Variants in LIPI observed in about 807,000 individuals in gnomAD.
LIPI encodes the protein lipase I.
A neutral mutation model predicts 50.6 loss-of-function variants in LIPI; 59 were observed. That is an observed-to-expected ratio of 1.16 (90% CI 0.94 to 1.45). LIPI has a LOEUF of 1.45. LIPI is among the 40% of genes most tolerant of loss of function. The pLI is 0.00. For missense variants in LIPI, 586 were observed against 536.3 expected, an observed-to-expected ratio of 1.09 and a Z score of -0.92; for synonymous variants, 203 against 178.2, an observed-to-expected ratio of 1.14 and a Z score of -1.11.
chr21:14,185,458 A>C (rs1322643669), intron 3 of LIPI, among the ~76,000 whole-genome samples: 10 of 152,212 alleles, frequency 6.6e-5, no homozygotes, highest in Admixed American at 5.2e-4. Flanking sequence ...TGGGTAACTT[A>C]AGCTCTGTTG....
intron 1 of LIPI, among the ~76,000 whole-genome samples, chr21:14,197,502 C>G (rs992093425): frequency 6.6e-6 from 1 of 151,776 alleles, no homozygotes; most frequent in African/African-American, 2.4e-5. Flanking sequence ...CAGAATAGAC[C>G]AAGCAGAGGA....
intron 8 of LIPI, among the ~76,000 whole-genome samples, chr21:14,152,112 T>C (rs2018115342): frequency 6.8e-6 from 1 of 147,618 alleles, no homozygotes; most frequent in Non-Finnish European, 1.5e-5. Context: ...TATTTATTTA[T>C]TTATTTGAAA....
At chr21:14,182,500 G>T (rs539118853) in intron 3 of LIPI, among the ~76,000 whole-genome samples, 6 of 152,202 alleles carry the variant, frequency 3.9e-5, no homozygotes, top group Admixed American at 3.3e-4. Context: ...TCAGTTTTTT[G>T]AGAACATCTA....
chr21:14,115,144 A>G (rs911396134), intron 9 of LIPI, among the ~76,000 whole-genome samples: 2 of 152,100 alleles, frequency 1.3e-5, no homozygotes, highest in Admixed American at 6.5e-5. Flanking sequence ...AGAGAAGAAT[A>G]CTAACTACCT....
chr21:14,159,316 T>C (rs2018382644), intron 7 of LIPI, among the ~76,000 whole-genome samples: 1 of 151,480 alleles, frequency 6.6e-6, no homozygotes, highest in East Asian at 1.9e-4. Flanking sequence ...CCAAGTAGAA[T>C]TTATTACTGG....
intron 1 of LIPI, 54 bp from the exon 2 acceptor site, chr21:14,189,473 G>A: frequency 1.3e-6 from 2 of 1,496,482 alleles, no homozygotes; most frequent in Admixed American, 1.7e-5. Flanking sequence ...TTTTATTCCT[G>A]TTGCTATTGC....
chr21:14,119,977 A>C (rs1304135162), intron 9 of LIPI, among the ~76,000 whole-genome samples: 2 of 152,172 alleles, frequency 1.3e-5, no homozygotes, highest in Non-Finnish European at 2.9e-5. Flanking sequence ...TAAGATGCTA[A>C]GATATCAAGG....
chr21:14,166,669 C>A (rs1035904731), intron 4 of LIPI, among the ~76,000 whole-genome samples: 1 of 152,176 alleles, frequency 6.6e-6, no homozygotes, highest in Non-Finnish European at 1.5e-5. Context: ...AGTTTACTAT[C>A]GGTCAGTCAC....
intron 8 of LIPI, among the ~76,000 whole-genome samples, chr21:14,149,620 C>A (rs561379745): frequency 2.0e-5 from 3 of 152,256 alleles, no homozygotes; most frequent in East Asian, 3.9e-4. Flanking sequence ...TAGTTACTTC[C>A]TAGATACAAT....
chr21:14,130,106 T>A (rs950511710), intron 9 of LIPI, among the ~76,000 whole-genome samples: 2 of 152,170 alleles, frequency 1.3e-5, no homozygotes, highest in Non-Finnish European at 2.9e-5. Flanking sequence ...AAATTGCTAC[T>A]TTTAGACACT....
intron 1 of LIPI, among the ~76,000 whole-genome samples, chr21:14,202,873 A>T (rs74414163): frequency 0.33 from 49,714 of 151,784 alleles, 8,204 homozygotes; most frequent in Middle Eastern, 0.37. Flanking sequence ...CAGCAAAAAA[A>T]ACTACCATCA....
At chr21:14,171,861 G>C (rs146144197) in intron 4 of LIPI, among the ~76,000 whole-genome samples, 34,853 of 143,592 alleles carry the variant, frequency 0.24, 4,401 homozygotes, top group Middle Eastern at 0.32. Flanking sequence ...CCAAAATTGA[G>C]AAATGGGATC....
intron 9 of LIPI, among the ~76,000 whole-genome samples, chr21:14,128,615 T>C (rs1600840213): frequency 6.9e-6 from 1 of 144,130 alleles, no homozygotes; most frequent in Non-Finnish European, 1.5e-5. Flanking sequence ...ATCAAGGATA[T>C]ATCCTTAAAG....
chr21:14,133,017 C>A (rs969052054), intron 9 of LIPI, among the ~76,000 whole-genome samples: 17 of 152,102 alleles, frequency 1.1e-4, no homozygotes, highest in African/African-American at 3.4e-4. Context: ...AATCTCACAA[C>A]AACAACAACA....
At chr21:14,210,443 CAA>C (rs2020333017) in intron 1 of LIPI, among the ~76,000 whole-genome samples, 1 of 151,946 alleles carries the variant, frequency 6.6e-6, no homozygotes. Flanking sequence ...AAAATTGAAA[CAA>C]GATATTTAAG....
intron 1 of LIPI, 83 bp downstream of exon 1, chr21:14,210,716 TA>T: frequency 1.1e-5 from 5 of 434,790 alleles, no homozygotes; most frequent in South Asian, 8.9e-5. Flanking sequence ...CATTATATCA[TA>T]ACATTCTTTA....
chr21:14,152,954 C>A (rs776386383), intron 7 of LIPI, among the ~76,000 whole-genome samples: 10 of 152,032 alleles, frequency 6.6e-5, no homozygotes, highest in Non-Finnish European at 1.5e-4. Context: ...ACAAATAGAT[C>A]CTAAATACTG....
chr21:14,199,788 A>G (rs2019988390), intron 1 of LIPI, among the ~76,000 whole-genome samples: 1 of 151,970 alleles, frequency 6.6e-6, no homozygotes, highest in Admixed American at 6.6e-5. Flanking sequence ...TCTGGCAGAG[A>G]TTTAACAACA....
intron 1 of LIPI, among the ~76,000 whole-genome samples, chr21:14,193,360 A>G (rs941530271): frequency 2.0e-5 from 3 of 152,110 alleles, no homozygotes; most frequent in Non-Finnish European, 2.9e-5. Context: ...ACATACAGAA[A>G]ACTAATAACA....
Sources: gnomAD v4.1 joint callset for allele counts (sites outside exome capture counted in the v4.1 genomes callset) on GRCh38, gnomAD v4.1.1 for gene constraint, MANE v1.5 for transcripts, NCBI Gene and HGNC (gene_info 2026-07-23, HGNC 2026-07-21) for gene names.